Variants in MYO15A observed in about 807,000 individuals in gnomAD.
The protein encoded by MYO15A is myosin XVA, also known as unconventional myosin-XV.
A neutral mutation model predicts 394.6 loss-of-function variants in MYO15A; 308 were observed. That is an observed-to-expected ratio of 0.78 (90% CI 0.71 to 0.86). The LOEUF (loss-of-function observed/expected upper bound fraction) is 0.86, where lower values mean the gene tolerates loss of function less well. Among genes scored for constraint, MYO15A ranks in the 40% least tolerant of loss-of-function variants. The pLI, the probability that MYO15A is intolerant of heterozygous loss-of-function variation, is 0.00. For missense variants in MYO15A, 4,606 were observed against 4,799.1 expected (o/e 0.96, Z 1.19); for synonymous variants, 1,957 against 2,003.8 (o/e 0.98, Z 0.62).
chr17:18,121,506 G>A lies in MYO15A; in HGVS notation c.2706G>A (p.Ala902=), dbSNP rs752542493. 2.1e-5 allele frequency: 32 copies of A among 1,553,764 alleles called. No individual in the cohort carries two copies. The Admixed American group carries it at 3.3e-4, about 16-fold the overall frequency. The change falls in exon 2 of 66, where the codon GCG becomes GCA. Residue 902 remains alanine, a synonymous_variant. Coordinates refer to ENST00000647165, the MANE Select transcript of MYO15A (RefSeq NM_016239.4). The surrounding 1 kb of genome is among the most constrained non-coding windows in gnomAD (Gnocchi z 5.3). ...HRPPRAGAWR[A]PLEHRESPRE... ...CGCCCAGGGCCGGGGCCTGGCGGGCGCCCCTGGAACACCGGGAGAGCCCGC... is the reference window on the plus strand; with the variant it reads ...CGCCCAGGGCCGGGGCCTGGCGGGCACCCCTGGAACACCGGGAGAGCCCGC...
intron 12 of MYO15A, among the ~76,000 whole-genome samples, chr17:18,135,063 C>T (rs1255379411): frequency 6.6e-6 from 1 of 152,046 alleles, no homozygotes; most frequent in Non-Finnish European, 1.5e-5. Context: ...GACAGGGTCT[C>T]ACTATGTTGC....
At position 18,166,348 on chromosome 17, in the gene MYO15A, C is replaced by T; in HGVS notation, c.9788-13C>T. On this transcript the variant is annotated splice_polypyrimidine_tract_variant and intron_variant, in intron 60 of 65. Transcript: ENST00000647165. Reference sequence around the variant, plus strand: ...CATGCCCCCACCCAGCCCTGCCTCCCTGCTCTCTGCAGGCCAGCATGTGTG... The same window carrying T: ...CATGCCCCCACCCAGCCCTGCCTCCTTGCTCTCTGCAGGCCAGCATGTGTG... 1 of 1,611,436 alleles carries T rather than the reference C, an allele frequency of 6.2e-7. No individual in the cohort carries two copies. Among genetic ancestry groups the T allele is most frequent in the Non-Finnish European group, 8.5e-7 (1 of 1,180,018 alleles).
chr17:18,138,826 T>G lies in MYO15A; in HGVS notation c.5023T>G (p.Phe1675Val). The change falls in exon 18 of 66, where the codon TTC becomes GTC. Residue 1675 changes from phenylalanine (F) to valine (V), a missense_variant. This residue lies in a region of MYO15A where 2,776 missense variants were observed against 3,109.3 expected (regional missense o/e 0.89). Transcript: ENST00000647165. ...TTGCCCCCAGGCTACAGACCACACC[T>G]TCCTACAGAAGTGCCACTACCATCA... Reference protein sequence around the residue: ...CCFPQATDHTFLQKCHYHHGA... With the variant: ...CCFPQATDHTVLQKCHYHHGA... 1 of 1,613,858 alleles carries G rather than the reference T, an allele frequency of 6.2e-7. No homozygotes were observed. Among genetic ancestry groups the G allele is most frequent in the East Asian group, 2.2e-5 (1 of 44,880 alleles).
intron 60 of MYO15A, 82 bp from the exon 61 acceptor site, chr17:18,166,279 G>A (rs1463155306): frequency 1.9e-6 from 3 of 1,565,140 alleles, no homozygotes; most frequent in African/African-American, 2.7e-5. Context: ...GCAGATTGGG[G>A]TCTGCACACA....
chr17:18,139,733 C>A, intron 19 of MYO15A, 122 bp downstream of exon 19: 1 of 1,215,764 alleles, frequency 8.2e-7, no homozygotes, highest in Non-Finnish European at 1.2e-6. Context: ...TTTGGCCAGA[C>A]AAAGACAAGG....
At chr17:18,158,427 G>C in intron 51 of MYO15A, 96 bp from the exon 52 acceptor site, 1 of 1,088,338 alleles carries the variant, frequency 9.2e-7, no homozygotes, top group South Asian at 1.4e-5. Flanking sequence ...TTGAGAATCT[G>C]GGTCCAGTCA....
At chr17:18,178,348 G>A (rs1212639912) in intron 65 of MYO15A, 5 of 302,956 alleles carry the variant, frequency 1.7e-5, no homozygotes, top group Non-Finnish European at 3.3e-5. Flanking sequence ...CCAGCCTGGC[G>A]ACAGAGCGAA....
chr17:18,150,489 G>A lies in MYO15A; in HGVS notation c.7273G>A (p.Gly2425Ser), dbSNP rs1272456247. ...RMKGGGQPGG[G>S]SSSGTEDTPR... is the part of the protein sequence containing the mutation. ...GAAAGGGGGAGGCCAGCCCGGTGGA[G>A]GCAGCAGTAGTGGTACTGAAGACAC... Residue 2425 changes from glycine (G) to serine (S), a missense_variant, in exon 36 of 66, where the codon GGC (glycine) becomes AGC (serine). Physicochemically the swap from Gly to Ser is moderately conservative, Grantham distance 56. Around this residue, in one of 2 missense-constraint regions of MYO15A, gnomAD observed 2,776 missense variants for 3,109.3 expected, o/e 0.89. Coordinates refer to ENST00000647165, the MANE Select transcript of MYO15A (RefSeq NM_016239.4). This position sits in a 1 kb window ranked among gnomAD's most constrained non-coding sequence, Gnocchi z 4.4. 6 of 1,614,048 alleles carry A rather than the reference G, an allele frequency of 3.7e-6. No homozygotes were observed. In the African/African-American group the frequency reaches 6.7e-5, roughly 18 times the overall value.
rs778453875 is a variant in MYO15A, at chr17:18,132,448, T to G, written c.4207-5T>G. ...CTTCTCTGTGCCCACCTACCCACTC[T>G]ACAGGCCAAAAACGAGAGGAATTAC... On this transcript the variant is annotated splice_polypyrimidine_tract_variant and splice_region_variant and intron_variant, in intron 10 of 65. Coordinates refer to ENST00000647165, the MANE Select transcript of MYO15A (RefSeq NM_016239.4). The surrounding 1 kb of genome is among the most constrained non-coding windows in gnomAD (Gnocchi z 4.6). The G allele has an allele frequency of 6.2e-7, 1 of 1,613,724 alleles. No homozygotes were observed. The highest frequency in any genetic ancestry group is 1.1e-5 in the South Asian group (1 of 91,082).
rs2045805348 is a variant in MYO15A, at chr17:18,117,399, C to T, written c.-219-1183C>T. On this transcript the variant is annotated intron_variant, in intron 1 of 65. Coordinates refer to ENST00000647165, the MANE Select transcript of MYO15A (RefSeq NM_016239.4). This position sits in a 1 kb window ranked among gnomAD's most constrained non-coding sequence, Gnocchi z 4.1. ...GCTGAGCACGTTGAGGCTCTGAAGC[C>T]ACTGATCTGAGGGCGTGGAGCTGGC... Among the ~76,000 whole-genome samples the T allele has an allele frequency of 6.6e-6, 1 of 152,242 alleles. No homozygotes were observed. Among genetic ancestry groups the T allele is most frequent in the Non-Finnish European group, 1.5e-5 (1 of 68,042 alleles).
In MYO15A at chr17:18,120,089, A is replaced by T. The variant is rs1331813860; in HGVS notation, c.1289A>T (p.Asp430Val). Reference sequence around the variant, plus strand: ...CACAACCCGTATGCCCACGCCATGGATGACATCGCCGAGCTGGAGGAACCA... The same window carrying T: ...CACAACCCGTATGCCCACGCCATGGTTGACATCGCCGAGCTGGAGGAACCA... The part of the protein sequence containing the change: ...SPHNPYAHAM[D>V]DIAELEEPED... Residue 430 changes from aspartate to valine, a missense_variant, in exon 2 of 66, where the codon GAT becomes GTT. By Grantham distance (152) the Asp-to-Val change is radical. Transcript: ENST00000647165. The T allele has an allele frequency of 1.9e-6, 3 of 1,612,406 alleles. No homozygotes were observed. In the South Asian group the frequency reaches 3.3e-5, roughly 18 times the overall value.
intron 3 of MYO15A, 53 bp downstream of exon 3, chr17:18,124,618 C>T: frequency 1.3e-6 from 2 of 1,557,826 alleles, no homozygotes; most frequent in East Asian, 4.5e-5. Context: ...GGGTCCCCAC[C>T]CTCCCAGCCA....
chr17:18,118,709 G>A lies in MYO15A; in HGVS notation c.-92G>A. On this transcript the variant is annotated 5_prime_UTR_variant, in exon 2 of 66. Transcript: ENST00000647165. ...ACAGCCCGAGGAGGCCGCGTGTCCA[G>A]CCGCGGGCAAGAGACAGAGCAGGTC... 6.3e-7 allele frequency: 1 copy of A among 1,587,194 alleles called. No homozygotes were observed. The highest frequency in any genetic ancestry group is 8.6e-7 in the Non-Finnish European group (1 of 1,167,076).
chr17:18,160,038 C>A, intron 56 of MYO15A, 21 bp downstream of exon 56: 1 of 1,602,516 alleles, frequency 6.2e-7, no homozygotes, highest in Non-Finnish European at 8.5e-7. Flanking sequence ...TGGACTTTAC[C>A]CCACCATCCC....
intron 12 of MYO15A, among the ~76,000 whole-genome samples, chr17:18,133,965 G>GTTTAT (rs752683813): frequency 3.3e-5 from 5 of 151,728 alleles, no homozygotes; most frequent in African/African-American, 9.7e-5. Flanking sequence ...GCCCTTTGGT[G>GTTTAT]TTTATTTTAT....
chr17:18,150,353 G>A lies in MYO15A; in HGVS notation c.7213-76G>A. The A allele has an allele frequency of 7.4e-7, 1 of 1,344,334 alleles. No individual in the cohort carries two copies. The highest frequency in any genetic ancestry group is 1.1e-6 in the Non-Finnish European group (1 of 938,382). 83.3% of individuals were successfully genotyped at this position (1,344,334 alleles called of 1,614,324 possible). A position where few individuals can be genotyped will look rare whatever the true frequency, so the allele number is the denominator to read the frequency against. The stretch of plus-strand genomic sequence containing the variant: ...CCACGAGAGGGTGGGGAAGAGGCCA[G>A]TGTCAGGTGCCTGTTGCCATGGAAC... On this transcript the variant is annotated intron_variant, in intron 35 of 65. Coordinates refer to ENST00000647165, the MANE Select transcript of MYO15A (RefSeq NM_016239.4). The surrounding 1 kb of genome is among the most constrained non-coding windows in gnomAD (Gnocchi z 4.4).
At chr17:18,169,759 G>A (rs758143738) in intron 62 of MYO15A, 1 of 151,928 alleles carries the variant, frequency 6.6e-6, no homozygotes, top group Non-Finnish European at 1.5e-5. Flanking sequence ...CCCACTAAAT[G>A]TCAATATAAA....
intron 1 of MYO15A, among the ~76,000 whole-genome samples, chr17:18,113,826 A>ACG (rs2045752076): frequency 1.8e-5 from 2 of 114,112 alleles, no homozygotes; most frequent in South Asian, 5.0e-4. Context: ...ACACACACAC[A>ACG]CACACACACA....
Position 18,119,538 on chromosome 17 carries a change from C to A in MYO15A, c.738C>A (p.Tyr246Ter). 6.2e-7 allele frequency: 1 copy of A among 1,609,208 alleles called. No homozygotes were observed. Among genetic ancestry groups the A allele is most frequent in the Middle Eastern group, 1.6e-4 (1 of 6,062 alleles). ...YDYHRDGDDY[Y>*]DRQSLHRYEE... The stretch of plus-strand genomic sequence containing the variant: ...ATCACCGCGACGGCGACGACTACTA[C>A]GACCGGCAGTCACTCCACCGCTACG... Residue 246 changes from tyrosine (Y) to a stop codon, truncating the protein, a stop_gained, in exon 2 of 66, where the codon TAC becomes TAA. Transcript: ENST00000647165. LOFTEE classifies it high-confidence loss of function.
Sources: gnomAD v4.1 joint callset for allele counts (sites outside exome capture counted in the v4.1 genomes callset) on GRCh38, gnomAD v4.1.1 for gene constraint, gnomAD v4.1.1 regional missense constraint, Gnocchi (gnomAD v3.1) non-coding constraint, MANE v1.5 for transcripts, NCBI Gene and HGNC (gene_info 2026-07-23, HGNC 2026-07-21) for gene names.